The following RBKS variants were observed in gnomAD, a reference collection of about 807,000 sequenced individuals.
The protein encoded by RBKS is ribokinase.
A neutral mutation model predicts 33.9 loss-of-function variants in RBKS; 33 were observed. The observed-to-expected ratio is 0.97, with a 90% CI of 0.74 to 1.30. The LOEUF (loss-of-function observed/expected upper bound fraction) is 1.30. RBKS is among the 50% of genes most tolerant of loss of function. RBKS has a pLI of 0.00. For missense variants in RBKS, 361 were observed against 392.6 expected (o/e 0.92, Z 0.68); for synonymous variants, 125 against 143.0 (o/e 0.87, Z 0.90).
chr2:27,799,343 G>A (rs1032405097), intron 7 of RBKS, among the ~76,000 whole-genome samples: 1 of 152,148 alleles, frequency 6.6e-6, no homozygotes, highest in African/African-American at 2.4e-5. Context: ...CACTTGTTAG[G>A]AATCCGTACC....
chr2:27,835,025 C>T (rs1158783419), intron 5 of RBKS, among the ~76,000 whole-genome samples: 1 of 152,042 alleles, frequency 6.6e-6, no homozygotes, highest in African/African-American at 2.4e-5. Context: ...CCTGTAATCC[C>T]AGCAATTTGG....
intron 1 of RBKS, chr2:27,870,738 A>G (rs1664191868): frequency 4.4e-6 from 2 of 459,320 alleles, no homozygotes; most frequent in South Asian, 1.6e-5. Context: ...GAAGCTGTCC[A>G]GCCATGGCAG....
intron 5 of RBKS, among the ~76,000 whole-genome samples, chr2:27,840,151 C>G (rs954442839): frequency 2.0e-5 from 3 of 151,424 alleles, no homozygotes; most frequent in African/African-American, 7.3e-5. Context: ...TCCCGAGTAG[C>G]TGGGACTACA....
intron 7 of RBKS, among the ~76,000 whole-genome samples, chr2:27,805,909 T>C (rs1399430964): frequency 6.6e-6 from 1 of 151,574 alleles, no homozygotes; most frequent in Admixed American, 6.6e-5. Flanking sequence ...CTTTTTTTTT[T>C]GAGACAGGGT....
chr2:27,801,088 G>A (rs767229242), intron 7 of RBKS, among the ~76,000 whole-genome samples: 2 of 152,176 alleles, frequency 1.3e-5, no homozygotes, highest in African/African-American at 2.4e-5. Flanking sequence ...ACAGCTAGCC[G>A]GCCACTGGGC....
Position 27,810,093 on chromosome 2 carries a change from T to C in RBKS, c.795+17474A>G, listed in dbSNP as rs1677963073. 1 of 1,302,908 alleles carries C rather than the reference T, an allele frequency of 7.7e-7. No individual in the cohort carries two copies. Among genetic ancestry groups the C allele is most frequent in the African/African-American group, 1.5e-5 (1 of 65,958 alleles). The allele number at this position is 1,302,908 out of a possible 1,614,324, so 80.7% of individuals were successfully genotyped here. On this transcript the variant is annotated intron_variant, in intron 7 of 7. Coordinates refer to ENST00000302188, the MANE Select transcript of RBKS (RefSeq NM_022128.3). The surrounding 1 kb of genome is among the most constrained non-coding windows in gnomAD (Gnocchi z 4.4). The stretch of plus-strand genomic sequence containing the variant: ...TGAGCAATTGTTCTGTGAATCTAAC[T>C]GCATTGAAAGCTGGTGTGGATGATT...
rs1285677387 is a variant in RBKS at position 27,781,862 on chromosome 2, T to C, written c.796-74A>G. 12 of 1,307,182 alleles carry C rather than the reference T, an allele frequency of 9.2e-6. No homozygotes were observed. The South Asian group carries it at 1.3e-4, about 14-fold the overall frequency. The allele number at this position is 1,307,182 out of a possible 1,614,324, so 81.0% of individuals were successfully genotyped here. A position where few individuals can be genotyped will look rare whatever the true frequency, so the allele number is the denominator to read the frequency against. On this transcript the variant is annotated intron_variant, in intron 7 of 7. Coordinates refer to ENST00000302188, the MANE Select transcript of RBKS (RefSeq NM_022128.3). ...GCCCAAACTGCATATTTTAAAGATA[T>C]TTAAGTAAACTTAATTTTAGTTTTA...
intron 7 of RBKS, among the ~76,000 whole-genome samples, chr2:27,791,104 C>G (rs918479496): frequency 6.6e-6 from 1 of 152,154 alleles, no homozygotes; most frequent in Non-Finnish European, 1.5e-5. Flanking sequence ...ATGGAAGGAA[C>G]TGCTGATAAA....
chr2:27,871,208 C>T (rs975677840), intron 1 of RBKS, among the ~76,000 whole-genome samples: 6 of 152,174 alleles, frequency 3.9e-5, no homozygotes, highest in Non-Finnish European at 8.8e-5. Context: ...TCAGTACAGA[C>T]ACATTTGATG....
At chr2:27,782,558 C>T (rs540082716) in intron 7 of RBKS, 20 of 452,516 alleles carry the variant, frequency 4.4e-5, no homozygotes, top group African/African-American at 1.2e-4. Context: ...GGGATATGTC[C>T]GTTTTTCTTA....
At chr2:27,857,684 C>G (rs1167125735) in intron 2 of RBKS, among the ~76,000 whole-genome samples, 1 of 152,142 alleles carries the variant, frequency 6.6e-6, no homozygotes, top group African/African-American at 2.4e-5. Flanking sequence ...GACAGAAACC[C>G]ATTGGAGTAC....
chr2:27,862,910 A>C (rs1018566686), intron 1 of RBKS, among the ~76,000 whole-genome samples: 1 of 152,270 alleles, frequency 6.6e-6, no homozygotes, highest in Middle Eastern at 3.4e-3. Context: ...TTTCTTCCTT[A>C]TTGAAATCAT....
intron 7 of RBKS, among the ~76,000 whole-genome samples, chr2:27,821,040 C>CAAAAA (rs59964452): frequency 1.6e-4 from 11 of 68,430 alleles, no homozygotes; most frequent in Admixed American, 3.0e-4. Context: ...AACTCCATCT[C>CAAAAA]AAAAAAAAAA....
intron 4 of RBKS, 78 bp downstream of exon 4, chr2:27,846,964 G>C: frequency 9.8e-7 from 1 of 1,020,066 alleles, no homozygotes; most frequent in Admixed American, 1.8e-5. Flanking sequence ...TAGGATTATG[G>C]TAAAAATTGA....
At chr2:27,875,379 C>T (rs542312180) in intron 1 of RBKS, among the ~76,000 whole-genome samples, 33 of 152,216 alleles carry the variant, frequency 2.2e-4, no homozygotes, top group Admixed American at 7.2e-4. Flanking sequence ...GAGACCTTGT[C>T]TCAACCAAAA....
chr2:27,810,619 C>T lies in RBKS; in HGVS notation c.795+16948G>A, dbSNP rs1436359363. ...ATATGCTGAAAACCACTCAGACTGACAGAATGATCTGTTTGTTTCAACTAT... is the reference window on the plus strand; with the variant it reads ...ATATGCTGAAAACCACTCAGACTGATAGAATGATCTGTTTGTTTCAACTAT... On this transcript the variant is annotated intron_variant, in intron 7 of 7. Transcript: ENST00000302188. This position sits in a 1 kb window ranked among gnomAD's most constrained non-coding sequence, Gnocchi z 4.4. 6.6e-6 allele frequency among the ~76,000 whole-genome samples: 1 copy of T among 152,170 alleles called. No individual in the cohort carries two copies. The highest frequency in any genetic ancestry group is 2.4e-5 in the African/African-American group (1 of 41,440).
chr2:27,881,279 C>T (rs1192219217), intron 1 of RBKS, among the ~76,000 whole-genome samples: 1 of 146,828 alleles, frequency 6.8e-6, no homozygotes, highest in Non-Finnish European at 1.5e-5. Flanking sequence ...AGTGGCTCAC[C>T]TCTGTAATCC....
rs116095190 is a variant in RBKS, at chr2:27,872,401, C to T, written c.90-13830G>A. On this transcript the variant is annotated intron_variant, in intron 1 of 7. Coordinates refer to ENST00000302188, the MANE Select transcript of RBKS (RefSeq NM_022128.3). ...AACAAAAGACTAAAATTCAGGTATG[C>T]GCTGTTTATGAGACACATTGAAGGG... Among the ~76,000 whole-genome samples the T allele has an allele frequency of 9.7e-3, 1,468 of 151,906 alleles. 15 individuals carry two copies. Among genetic ancestry groups the T allele is most frequent in the Non-Finnish European group, 0.017 (1,126 of 67,964 alleles).
chr2:27,812,903 G>A (rs973097275), intron 7 of RBKS, among the ~76,000 whole-genome samples: 9 of 151,474 alleles, frequency 5.9e-5, no homozygotes, highest in African/African-American at 2.2e-4. Flanking sequence ...AAAAAAAAAG[G>A]GTTAAAGTTA....
Sources: gnomAD v4.1 joint callset for allele counts (sites outside exome capture counted in the v4.1 genomes callset) on GRCh38, gnomAD v4.1.1 for gene constraint, Gnocchi (gnomAD v3.1) non-coding constraint, MANE v1.5 for transcripts, NCBI Gene and HGNC (gene_info 2026-07-23, HGNC 2026-07-21) for gene names.